Variants in CARD14 observed in about 807,000 individuals in gnomAD.
CARD14 encodes the protein caspase recruitment domain family member 14, also known as caspase recruitment domain-containing protein 14.
CARD14 carries 107 observed loss-of-function variants against 111.5 expected under a neutral mutation model. The ratio of observed to expected loss-of-function variants is 0.96; its 90% confidence interval spans 0.82 to 1.13. The LOEUF is 1.13. Ranked by LOEUF, CARD14 falls within the 50% of genes most tolerant of loss-of-function variation. The pLI is 0.00. For synonymous variants in CARD14, 617 were observed against 579.6 expected (o/e 1.06, Z -0.93); for missense variants, 1,322 against 1,362.3 (o/e 0.97, Z 0.47).
In CARD14 at chr17:80,201,986, A is replaced by G; in HGVS notation, c.1978+116A>G. 7.1e-7 allele frequency: 1 copy of G among 1,402,610 alleles called. No individual in the cohort carries two copies. Among genetic ancestry groups the G allele is most frequent in the African/African-American group, 1.4e-5 (1 of 69,708 alleles). The allele number at this position is 1,402,610 out of a possible 1,614,324, so 86.9% of individuals were successfully genotyped here. A position where few individuals can be genotyped will look rare whatever the true frequency, so the allele number is the denominator to read the frequency against. The stretch of plus-strand genomic sequence containing the variant: ...CAGGGACCCCCAGAGCCAAGAGAGG[A>G]TCAGCCAGGCTGTGCCCCAGGTCCC... On this transcript the variant is annotated intron_variant, in intron 17 of 23. Coordinates refer to ENST00000648509, the MANE Select transcript of CARD14 (RefSeq NM_001366385.1). The surrounding 1 kb of genome is among the most constrained non-coding windows in gnomAD (Gnocchi z 5.0).
intron 5 of CARD14, among the ~76,000 whole-genome samples, chr17:80,182,000 G>A (rs541177171): frequency 5.9e-5 from 9 of 152,274 alleles, no homozygotes; most frequent in Admixed American, 2.6e-4. Flanking sequence ...TACTGTATAC[G>A]GTTGTTAGGA....
chr17:80,203,846 C>T lies in CARD14; in HGVS notation c.2244C>T (p.Leu748=), dbSNP rs1431682574. The T allele has an allele frequency of 3.8e-6, 6 of 1,591,760 alleles. No individual in the cohort carries two copies. The change falls in exon 19 of 24, where the codon CTC becomes CTT. Residue 748 remains leucine, a synonymous_variant. Coordinates refer to ENST00000648509, the MANE Select transcript of CARD14 (RefSeq NM_001366385.1). The surrounding 1 kb of genome is among the most constrained non-coding windows in gnomAD (Gnocchi z 4.6). ...YSRAQQQLIA[L]IQDMTQQCTV... The stretch of plus-strand genomic sequence containing the variant: ...GGGCTCAGCAGCAGCTCATAGCCCT[C>T]ATCCAGGACATGACTCAGCAGTGCA...
chr17:80,202,580 T>C (rs2041044561), intron 18 of CARD14, 160 bp downstream of exon 18: 1 of 1,436,158 alleles, frequency 7.0e-7, no homozygotes, highest in African/African-American at 1.4e-5. Context: ...GAAGATGTTG[T>C]TTCTTTGTGA....
chr17:80,204,627 G>GA (rs35116471), intron 20 of CARD14: 6,224 of 290,186 alleles, frequency 0.021, no homozygotes, highest in South Asian at 0.037. Flanking sequence ...TCTGTCTCAG[G>GA]AAAAAAAAAA....
In CARD14 at chr17:80,206,780, AT is replaced by A. The variant is rs552804815; in HGVS notation, c.2692-189del. On this transcript the variant is annotated intron_variant, in intron 22 of 23. Coordinates refer to ENST00000648509, the MANE Select transcript of CARD14 (RefSeq NM_001366385.1). ...AGACTCCGTCTCAAAAAAATAAAAA[AT>A]AAAAATAAAAAAAAGAGAGAAGAAA... 201 of 411,306 alleles carry A rather than the reference AT, an allele frequency of 4.9e-4. 1 individual carries two copies. The East Asian group carries it at 7.5e-3, about 15-fold the overall frequency. 25.5% of individuals were successfully genotyped at this position (411,306 alleles called of 1,614,324 possible).
In CARD14 at chr17:80,182,181, C is replaced by G. The variant is rs751055039; in HGVS notation, c.212-472C>G. 6.6e-6 allele frequency among the ~76,000 whole-genome samples: 1 copy of G among 152,188 alleles called. No individual in the cohort carries two copies. Among genetic ancestry groups the G allele is most frequent in the Non-Finnish European group, 1.5e-5 (1 of 68,024 alleles). ...TCATTCTGGCTGAGAGAGATGGGCT[C>G]TGGGCCCTGGGCGTGGAAGGCCCCG... On this transcript the variant is annotated intron_variant, in intron 5 of 23. Transcript: ENST00000648509. The surrounding 1 kb of genome is among the most constrained non-coding windows in gnomAD (Gnocchi z 4.7).
chr17:80,197,092 G>C, intron 14 of CARD14: 1 of 152,484 alleles, frequency 6.6e-6, no homozygotes, highest in Non-Finnish European at 1.5e-5. Flanking sequence ...AGTTAGTCAG[G>C]AGGCTGAGGC....
intron 20 of CARD14, chr17:80,204,656 C>G: frequency 2.6e-6 from 1 of 386,702 alleles, no homozygotes; most frequent in Non-Finnish European, 4.7e-6. Context: ...GAGAGGAGTA[C>G]AGGACAGAGG....
rs2041119880 is a variant in CARD14, at chr17:80,203,768, C to T, written c.2220-54C>T. The T allele has an allele frequency of 1.4e-6, 2 of 1,448,416 alleles. No homozygotes were observed. Among genetic ancestry groups the T allele is most frequent in the Non-Finnish European group, 1.9e-6 (2 of 1,055,708 alleles). The allele number at this position is 1,448,416 out of a possible 1,614,324, so 89.7% of individuals were successfully genotyped here. On this transcript the variant is annotated intron_variant, in intron 18 of 23. Coordinates refer to ENST00000648509, the MANE Select transcript of CARD14 (RefSeq NM_001366385.1). The surrounding 1 kb of genome is among the most constrained non-coding windows in gnomAD (Gnocchi z 4.6). ...CTCTCCCCTGCTCGGCTCTCCCCTG[C>T]CCTGCTCACCTGGCAGGAGGCAGCT...
chr17:80,205,666 CG>C lies in CARD14; in HGVS notation c.2691+18del. On this transcript the variant is annotated intron_variant, in intron 22 of 23. Coordinates refer to ENST00000648509, the MANE Select transcript of CARD14 (RefSeq NM_001366385.1). Reference sequence around the variant, plus strand: ...CTCATGGAAAAGGTGAGGTCAAGGGCGGGGTGGGCAGGGGAGCTGTCCTGGG... The same window carrying C: ...CTCATGGAAAAGGTGAGGTCAAGGGCGGGTGGGCAGGGGAGCTGTCCTGGG... The C allele has an allele frequency of 1.8e-6, 1 of 546,818 alleles. No individual in the cohort carries two copies. The highest frequency in any genetic ancestry group is 3.4e-6 in the Non-Finnish European group (1 of 295,294). 33.9% of individuals were successfully genotyped at this position (546,818 alleles called of 1,614,324 possible).
chr17:80,182,731 C>T lies in CARD14; in HGVS notation c.290C>T (p.Pro97Leu). Residue 97 changes from proline (P) to leucine (L), a missense_variant, in exon 6 of 24, where the codon CCT (proline) becomes CTT (leucine). Coordinates refer to ENST00000648509, the MANE Select transcript of CARD14 (RefSeq NM_001366385.1). The surrounding 1 kb of genome is among the most constrained non-coding windows in gnomAD (Gnocchi z 4.7). The stretch of plus-strand genomic sequence containing the variant: ...CTGGAGAGCCTGAAGTTCCACAACC[C>T]TGACGTCTACACCCTGGTCACCGGG... ...AFLESLKFHN[P>L]DVYTLVTGLQ... The T allele has an allele frequency of 6.2e-7, 1 of 1,614,172 alleles. No homozygotes were observed. The highest frequency in any genetic ancestry group is 8.5e-7 in the Non-Finnish European group (1 of 1,180,014).
At position 80,201,528 on chromosome 17, in the gene CARD14, ACT is replaced by A; in HGVS notation, c.1852-211_1852-210del. ...TCGACTGGGGAAGGGTTGGCAGTTG[ACT>A]CTCTGGCCAGCACTATGTGTAGCAC... On this transcript the variant is annotated intron_variant, in intron 16 of 23. Transcript: ENST00000648509. This position sits in a 1 kb window ranked among gnomAD's most constrained non-coding sequence, Gnocchi z 5.0. 1.8e-6 allele frequency: 1 copy of A among 560,390 alleles called. No homozygotes were observed. The highest frequency in any genetic ancestry group is 2.1e-5 in the South Asian group (1 of 47,496). The allele number at this position is 560,390 out of a possible 1,614,324, so 34.7% of individuals were successfully genotyped here.
chr17:80,176,642 CG>C (rs1347605861), intron 2 of CARD14, among the ~76,000 whole-genome samples: 2 of 152,170 alleles, frequency 1.3e-5, no homozygotes, highest in African/African-American at 4.8e-5. Context: ...GAAGACCCCT[CG>C]GTGATGCAGG....
At position 80,175,416 on chromosome 17, in the gene CARD14, C is replaced by T. The variant is rs148152336; in HGVS notation, c.-367+2188C>T. ...TCACCAGGAGCTGGGGAGGGAGGTA[C>T]AGGAGGCTGCCCTGATCCTTTGTTG... On this transcript the variant is annotated intron_variant, in intron 2 of 23. Transcript: ENST00000648509. Among the ~76,000 whole-genome samples the T allele has an allele frequency of 3.4e-3, 512 of 152,250 alleles. 2 individuals are homozygous for T. The highest frequency in any genetic ancestry group is 5.3e-3 in the Non-Finnish European group (358 of 68,030).
chr17:80,195,460 C>T lies in CARD14; in HGVS notation c.1500-98C>T. The T allele has an allele frequency of 6.6e-7, 1 of 1,508,222 alleles. No homozygotes were observed. The highest frequency in any genetic ancestry group is 1.4e-5 in the African/African-American group (1 of 72,752). The allele number at this position is 1,508,222 out of a possible 1,614,324, so 93.4% of individuals were successfully genotyped here. A position where few individuals can be genotyped will look rare whatever the true frequency, so the allele number is the denominator to read the frequency against. ...AGGCAGCAGCTCCTGCCCTCGAAGC[C>T]CCAGAGCTGGCAGGTGCTGGGGGCC... On this transcript the variant is annotated intron_variant, in intron 13 of 23. Coordinates refer to ENST00000648509, the MANE Select transcript of CARD14 (RefSeq NM_001366385.1). This position sits in a 1 kb window ranked among gnomAD's most constrained non-coding sequence, Gnocchi z 4.7.
rs2040388804 is a variant in CARD14, at chr17:80,187,680, C to T, written c.676-697C>T. On this transcript the variant is annotated intron_variant, in intron 7 of 23. Coordinates refer to ENST00000648509, the MANE Select transcript of CARD14 (RefSeq NM_001366385.1). Reference sequence around the variant, plus strand: ...CAGGGGTGAGCACCGGCACCCACCCCGACGTGCAGACTTCCCGGGCTTGCC... The same window carrying T: ...CAGGGGTGAGCACCGGCACCCACCCTGACGTGCAGACTTCCCGGGCTTGCC... 1.2e-5 allele frequency: 11 copies of T among 889,680 alleles called. No individual in the cohort carries two copies. The South Asian group carries it at 2.1e-4, about 17-fold the overall frequency. 55.1% of individuals were successfully genotyped at this position (889,680 alleles called of 1,614,324 possible).
chr17:80,209,154 A>T lies in CARD14; in HGVS notation c.*809A>T. 1 of 254,966 alleles carries T rather than the reference A, an allele frequency of 3.9e-6. No homozygotes were observed. The highest frequency in any genetic ancestry group is 6.2e-6 in the Non-Finnish European group (1 of 162,014). The allele number at this position is 254,966 out of a possible 1,614,324, so 15.8% of individuals were successfully genotyped here. A position where few individuals can be genotyped will look rare whatever the true frequency, so the allele number is the denominator to read the frequency against. The stretch of plus-strand genomic sequence containing the variant: ...CACCTTCAGGGCTCGGGGAGGACCC[A>T]GGTCCGCCAGCACCTGGCCTTGCCC... On this transcript the variant is annotated 3_prime_UTR_variant, in exon 24 of 24. Coordinates refer to ENST00000648509, the MANE Select transcript of CARD14 (RefSeq NM_001366385.1).
At chr17:80,178,140 G>A (rs2040069656) in intron 2 of CARD14, among the ~76,000 whole-genome samples, 1 of 152,142 alleles carries the variant, frequency 6.6e-6, no homozygotes, top group African/African-American at 2.4e-5. Context: ...GCCCGTCACT[G>A]TCCTCTCCAG....
At position 80,182,205 on chromosome 17, in the gene CARD14, C is replaced by T. The variant is rs1000994722; in HGVS notation, c.212-448C>T. Among the ~76,000 whole-genome samples the T allele has an allele frequency of 1.3e-5, 2 of 152,234 alleles. No individual in the cohort carries two copies. The highest frequency in any genetic ancestry group is 6.8e-3 in the Middle Eastern group (2 of 294). ...TCTGGGCCCTGGGCGTGGAAGGCCC[C>T]GAGGCTCTCTGGGACCTGTCACCCG... On this transcript the variant is annotated intron_variant, in intron 5 of 23. Coordinates refer to ENST00000648509, the MANE Select transcript of CARD14 (RefSeq NM_001366385.1). This position sits in a 1 kb window ranked among gnomAD's most constrained non-coding sequence, Gnocchi z 4.7.
Sources: gnomAD v4.1 joint callset for allele counts (sites outside exome capture counted in the v4.1 genomes callset) on GRCh38, gnomAD v4.1.1 for gene constraint, Gnocchi (gnomAD v3.1) non-coding constraint, MANE v1.5 for transcripts, NCBI Gene and HGNC (gene_info 2026-07-23, HGNC 2026-07-21) for gene names.